The following GUCY2F variants were observed in gnomAD, a reference collection of about 807,000 sequenced individuals.
The protein encoded by GUCY2F is guanylate cyclase 2F, retinal, also known as retinal guanylyl cyclase 2.
A neutral mutation model predicts 73.1 loss-of-function variants in GUCY2F; 61 were observed. The observed-to-expected ratio is 0.83, with a 90% CI of 0.68 to 1.03. GUCY2F has a LOEUF of 1.03. Among genes scored for constraint, GUCY2F ranks in the 50% least tolerant of loss-of-function variants. The probability of loss-of-function intolerance (pLI) is 0.00; values close to 1 mark genes in which losing one functional copy is unlikely to be tolerated. For synonymous variants in GUCY2F, 331 were observed against 307.8 expected (o/e 1.08, Z -0.79); for missense variants, 912 against 854.3 (o/e 1.07, Z -0.84).
chrX:109,384,303 A>T (rs1046394532), intron 16 of GUCY2F, among the ~76,000 whole-genome samples: 3 of 112,381 alleles, frequency 2.7e-5, no homozygotes, highest in Non-Finnish European at 5.6e-5. Flanking sequence ...CTAAGGGCTT[A>T]AGTGGTTTCT....
chrX:109,469,866 G>A (rs887822534), intron 2 of GUCY2F, among the ~76,000 whole-genome samples: 2 of 111,426 alleles, frequency 1.8e-5, no homozygotes, highest in Non-Finnish European at 3.8e-5. Flanking sequence ...CTCAGTGCAG[G>A]AGGCTCTCAA....
At chrX:109,398,429 G>T (rs1405619079) in intron 11 of GUCY2F, 120 bp downstream of exon 11, 16 of 648,373 alleles carry the variant, frequency 2.5e-5, no homozygotes, top group Non-Finnish European at 3.3e-5. Flanking sequence ...AACTTGAGCT[G>T]CTTGCAGACT....
At chrX:109,436,929 G>A (rs1438388201) in intron 7 of GUCY2F, among the ~76,000 whole-genome samples, 1 of 98,177 alleles carries the variant, frequency 1.0e-5, no homozygotes, top group East Asian at 3.1e-4. Flanking sequence ...AAAACTTAAA[G>A]TATAATAATA....
intron 8 of GUCY2F, among the ~76,000 whole-genome samples, chrX:109,424,766 A>G (rs1389742229): frequency 1.6e-4 from 17 of 107,580 alleles, no homozygotes; most frequent in Non-Finnish European, 2.9e-4. Flanking sequence ...TGAACAGGGA[A>G]CACTTTTTTT....
At position 109,475,363 on chromosome X, in the gene GUCY2F, A is replaced by G. The variant is rs781389157; in HGVS notation, c.574T>C (p.Ser192Pro). 8.3e-7 allele frequency: 1 copy of G among 1,211,183 alleles called. No homozygotes were observed. The highest frequency in any genetic ancestry group is 3.0e-5 in the East Asian group (1 of 33,845). The change falls in exon 2 of 20, where the codon TCC becomes CCC. Residue 192 changes from serine (S) to proline (P), a missense_variant. By Grantham distance (74) the Ser-to-Pro change is moderately conservative. Coordinates refer to ENST00000218006, the MANE Select transcript of GUCY2F (RefSeq NM_001522.3). Reference protein sequence around the residue: ...YFQWAHAGVISSDEDIWVHTA... With the variant: ...YFQWAHAGVIPSDEDIWVHTA... Reference sequence around the variant, plus strand: ...TGCACCCAAATGTCTTCATCTGAGGAAATGACTCCAGCATGAGCCCACTGG... The same window carrying G: ...TGCACCCAAATGTCTTCATCTGAGGGAATGACTCCAGCATGAGCCCACTGG...
intron 6 of GUCY2F, among the ~76,000 whole-genome samples, chrX:109,444,896 T>C (rs1931964901): frequency 8.9e-6 from 1 of 111,732 alleles, no homozygotes; most frequent in Non-Finnish European, 1.9e-5. Flanking sequence ...TTTTTTTAAA[T>C]AACTGTGAGG....
At chrX:109,430,166 T>G in intron 8 of GUCY2F, 141 bp downstream of exon 8, 1 of 474,803 alleles carries the variant, frequency 2.1e-6, no homozygotes, top group Non-Finnish European at 3.6e-6. Flanking sequence ...TTGCATGATA[T>G]GATCATACCA....
intron 7 of GUCY2F, among the ~76,000 whole-genome samples, chrX:109,433,662 A>C: frequency 8.9e-6 from 1 of 112,402 alleles, no homozygotes; most frequent in East Asian, 2.8e-4. Flanking sequence ...TTCTTTTAAG[A>C]GAGAATGATA....
At chrX:109,447,472 G>A (rs1351140906) in intron 6 of GUCY2F, among the ~76,000 whole-genome samples, 1 of 110,292 alleles carries the variant, frequency 9.1e-6, no homozygotes, top group Non-Finnish European at 1.9e-5. Context: ...CATGTCCTTT[G>A]TAGGGACATG....
At chrX:109,377,906 G>A (rs182089621) in intron 17 of GUCY2F, among the ~76,000 whole-genome samples, 330 of 111,179 alleles carry the variant, frequency 3.0e-3, no homozygotes, top group Middle Eastern at 0.014. Flanking sequence ...GAGTATGCAG[G>A]GGAGCTCCAG....
At chrX:109,465,480 CT>C in intron 2 of GUCY2F, 37 bp from the exon 3 acceptor site, 2 of 1,031,443 alleles carry the variant, frequency 1.9e-6, no homozygotes, top group Non-Finnish European at 2.7e-6. Context: ...TGGAAGCAAA[CT>C]GTTAGTAAAG....
chrX:109,387,998 G>C (rs140081954), intron 15 of GUCY2F, among the ~76,000 whole-genome samples: 1 of 110,627 alleles, frequency 9.0e-6, no homozygotes, highest in Admixed American at 9.7e-5. Context: ...AAATGGCACA[G>C]TGGATGTCAT....
At chrX:109,384,128 C>T (rs1930381915) in intron 16 of GUCY2F, among the ~76,000 whole-genome samples, 1 of 112,127 alleles carries the variant, frequency 8.9e-6, no homozygotes, top group Non-Finnish European at 1.9e-5. Context: ...GCTAGATTGA[C>T]TAAGACTGGA....
At chrX:109,411,154 G>A (rs892148388) in intron 8 of GUCY2F, among the ~76,000 whole-genome samples, 4 of 107,955 alleles carry the variant, frequency 3.7e-5, no homozygotes, top group African/African-American at 1.4e-4. Context: ...ATTCAGGGAT[G>A]AGGTAATAGT....
chrX:109,398,800 ATTTT>A, intron 10 of GUCY2F, 102 bp from the exon 11 acceptor site: 1 of 714,752 alleles, frequency 1.4e-6, no homozygotes, highest in Non-Finnish European at 2.1e-6. Flanking sequence ...ACTGCCTTAT[ATTTT>A]TATTAGACAG....
intron 8 of GUCY2F, among the ~76,000 whole-genome samples, chrX:109,417,583 G>A (rs770411574): frequency 5.8e-4 from 65 of 111,407 alleles, no homozygotes; most frequent in African/African-American, 1.8e-3. Context: ...GGAACAAACA[G>A]AGACATAGAT....
In GUCY2F at chrX:109,475,641, A is replaced by T; in HGVS notation, c.296T>A (p.Ile99Asn). The change falls in exon 2 of 20, where the codon ATT becomes AAT. Residue 99 changes from isoleucine to asparagine, a missense_variant. By Grantham distance (149) the Ile-to-Asn change is moderately radical. Transcript: ENST00000218006. ...FDLSYSFEYV[I>N]LNEDCQTSRA... ...CGAAGTCTGGCAGTCTTCATTGAGA[A>T]TCACGTATTCAAAAGAATAACTCAG... 1 of 1,209,619 alleles carries T rather than the reference A, an allele frequency of 8.3e-7. No individual in the cohort carries two copies.
intron 10 of GUCY2F, among the ~76,000 whole-genome samples, chrX:109,402,912 G>A (rs1930880520): frequency 8.9e-6 from 1 of 111,779 alleles, no homozygotes; most frequent in Non-Finnish European, 1.9e-5. Flanking sequence ...GTCTATGCAT[G>A]TGTCTCTCTC....
chrX:109,396,855 T>C (rs1320147090), intron 11 of GUCY2F, among the ~76,000 whole-genome samples: 1 of 112,290 alleles, frequency 8.9e-6, no homozygotes, highest in African/African-American at 3.2e-5. Flanking sequence ...TCCATGAGCA[T>C]GTACTCCCTG....
Sources: allele counts gnomAD v4.1 joint callset (sites outside exome capture counted in the v4.1 genomes callset), GRCh38; gene constraint gnomAD v4.1.1; transcripts MANE v1.5; gene names NCBI Gene and HGNC (gene_info 2026-07-23, HGNC 2026-07-21).